Variants in EPHA6 observed in about 807,000 individuals in gnomAD.
EPHA6 encodes ephrin type-A receptor 6.
EPHA6 carries 50 observed loss-of-function variants against 112.0 expected under a neutral mutation model. The ratio of observed to expected loss-of-function variants is 0.45; its 90% confidence interval spans 0.36 to 0.56. The LOEUF (loss-of-function observed/expected upper bound fraction) is 0.56, where lower values mean the gene tolerates loss of function less well. EPHA6 is among the 20% of genes least tolerant of loss of function. EPHA6 has a pLI of 0.00. For missense variants in EPHA6, 1,280 were observed against 1,417.4 expected (o/e 0.90, Z 1.56); for synonymous variants, 529 against 490.7 (o/e 1.08, Z -1.03).
intron 1 of EPHA6, among the ~76,000 whole-genome samples, chr3:96,820,703 C>A (rs1278198678): frequency 6.6e-6 from 1 of 151,942 alleles, no homozygotes; most frequent in Non-Finnish European, 1.5e-5. Context: ...TTTAATAGAA[C>A]AGTTTTGTTA....
chr3:97,017,894 C>T (rs762965989), intron 3 of EPHA6, among the ~76,000 whole-genome samples: 9 of 151,724 alleles, frequency 5.9e-5, no homozygotes, highest in Non-Finnish European at 1.3e-4. Context: ...ATCTTTTTCT[C>T]TACCTCTTCT....
chr3:97,339,886 G>T (rs1039334515), intron 5 of EPHA6, among the ~76,000 whole-genome samples: 64 of 152,160 alleles, frequency 4.2e-4, no homozygotes, highest in African/African-American at 1.5e-3. Context: ...GTCACAGAAG[G>T]TCATAAAACA....
Position 97,069,031 on chromosome 3 carries a change from TATA to T in EPHA6, c.1114+81041_1114+81043del, listed in dbSNP as rs1278874260. The stretch of plus-strand genomic sequence containing the variant: ...ACACACGCACACATACGCACACACT[TATA>T]ATTGACCCTTGAACGACACTGGGGT... On this transcript the variant is annotated intron_variant, in intron 3 of 17. Transcript: ENST00000389672. Among the ~76,000 whole-genome samples, 7 of 152,106 alleles carry T rather than the reference TATA, an allele frequency of 4.6e-5. 1 individual carries two copies. The highest frequency in any genetic ancestry group is 1.0e-4 in the Non-Finnish European group (7 of 68,012).
chr3:97,294,396 C>T (rs1290790568), intron 5 of EPHA6, among the ~76,000 whole-genome samples: 1 of 152,238 alleles, frequency 6.6e-6, no homozygotes, highest in East Asian at 1.9e-4. Context: ...TCTCTGCATT[C>T]AGTCTCTATG....
chr3:97,561,226 A>G (rs982484091), intron 11 of EPHA6, among the ~76,000 whole-genome samples: 1 of 152,072 alleles, frequency 6.6e-6, no homozygotes, highest in African/African-American at 2.4e-5. Flanking sequence ...CGTTTAAATC[A>G]AAGCTAGAAA....
At chr3:96,956,120 C>T (rs924491385) in intron 2 of EPHA6, among the ~76,000 whole-genome samples, 11 of 152,008 alleles carry the variant, frequency 7.2e-5, no homozygotes, top group African/African-American at 9.7e-5. Flanking sequence ...GAACATGAGA[C>T]GAAATTTTAG....
intron 3 of EPHA6, among the ~76,000 whole-genome samples, chr3:97,150,593 G>T (rs1156972430): frequency 6.6e-6 from 1 of 152,016 alleles, no homozygotes; most frequent in Non-Finnish European, 1.5e-5. Flanking sequence ...CAACGTGGGT[G>T]CTGATACTCT....
intron 14 of EPHA6, among the ~76,000 whole-genome samples, chr3:97,666,953 A>G (rs1241476929): frequency 2.0e-5 from 3 of 152,170 alleles, no homozygotes; most frequent in Non-Finnish European, 2.9e-5. Context: ...CCATTAGTGT[A>G]CTGTTGTCAT....
intron 3 of EPHA6, among the ~76,000 whole-genome samples, chr3:97,109,888 C>A (rs2108279547): frequency 6.6e-6 from 1 of 152,034 alleles, no homozygotes; most frequent in South Asian, 2.1e-4. Context: ...CATATGGTAA[C>A]CTAACAATTT....
chr3:97,550,197 C>T (rs1186972556), intron 11 of EPHA6, among the ~76,000 whole-genome samples: 1 of 152,112 alleles, frequency 6.6e-6, no homozygotes, highest in African/African-American at 2.4e-5. Context: ...AAAATCAAAA[C>T]ATTTTATGAT....
In EPHA6 at chr3:96,987,841, C is replaced by T. The variant is rs1386463120; in HGVS notation, c.962C>T (p.Ser321Phe). 1.2e-6 allele frequency: 2 copies of T among 1,613,912 alleles called. No homozygotes were observed. Among genetic ancestry groups the T allele is most frequent in the Admixed American group, 1.7e-5 (1 of 60,004 alleles). Residue 321 changes from serine to phenylalanine, a missense_variant, in exon 3 of 18, where the codon TCC becomes TTC. Physicochemically the swap from Ser to Phe is radical, Grantham distance 155. Around this residue, in one of 4 missense-constraint regions of EPHA6, gnomAD observed 878 missense variants for 999.7 expected, o/e 0.88. Coordinates refer to ENST00000389672, the MANE Select transcript of EPHA6 (RefSeq NM_001080448.3). ...FPDTIPRVDS[S>F]SLVEVRGSCV... Reference sequence around the variant, plus strand: ...GATACCATTCCAAGGGTTGATTCCTCCTCTTTGGTTGAAGTACGGGGTTCT... The same window carrying T: ...GATACCATTCCAAGGGTTGATTCCTTCTCTTTGGTTGAAGTACGGGGTTCT...
In EPHA6 at chr3:97,466,623, T is replaced by C. The variant is rs551209219; in HGVS notation, c.1895-8729T>C. 4.3e-4 allele frequency: 267 copies of C among 614,192 alleles called. 1 individual carries two copies. In the Middle Eastern group the frequency reaches 7.7e-3, roughly 18 times the overall value. 38.0% of individuals were successfully genotyped at this position (614,192 alleles called of 1,614,324 possible). Reference sequence around the variant, plus strand: ...CAGTATTCTCATGTATTTGCAAGAGTTTATGTCTCTGGTAAAAATGGCAAT... The same window carrying C: ...CAGTATTCTCATGTATTTGCAAGAGCTTATGTCTCTGGTAAAAATGGCAAT... On this transcript the variant is annotated intron_variant, in intron 7 of 17. Transcript: ENST00000389672.
chr3:97,511,167 C>A (rs1332983907), intron 10 of EPHA6, among the ~76,000 whole-genome samples: 1 of 152,110 alleles, frequency 6.6e-6, no homozygotes, highest in East Asian at 1.9e-4. Context: ...GCTTCAGCCC[C>A]CTTTCCAGGG....
chr3:97,621,814 G>T (rs920885605), intron 13 of EPHA6, among the ~76,000 whole-genome samples: 1 of 151,896 alleles, frequency 6.6e-6, no homozygotes, highest in Non-Finnish European at 1.5e-5. Context: ...ATAGGATTTA[G>T]CAAATAAGAG....
chr3:97,149,024 C>T (rs1443961911), intron 3 of EPHA6, among the ~76,000 whole-genome samples: 1 of 152,048 alleles, frequency 6.6e-6, no homozygotes, highest in Non-Finnish European at 1.5e-5. Context: ...ATTTTTATCT[C>T]ACGCTGTGAC....
chr3:97,124,469 A>AAAGAAAG (rs2048127427), intron 3 of EPHA6, among the ~76,000 whole-genome samples: 31 of 149,740 alleles, frequency 2.1e-4, no homozygotes, highest in Admixed American at 1.9e-3. Flanking sequence ...TCTGTTTAAA[A>AAAGAAAG]AAAGAAAGAA....
chr3:97,262,750 CTTAG>C (rs1460978026), intron 5 of EPHA6, among the ~76,000 whole-genome samples: 4 of 152,034 alleles, frequency 2.6e-5, no homozygotes, highest in Admixed American at 1.3e-4. Context: ...TATCTGCCAA[CTTAG>C]TCATATGTTT....
At chr3:97,651,558 A>G (rs2094107659) in intron 14 of EPHA6, among the ~76,000 whole-genome samples, 1 of 152,064 alleles carries the variant, frequency 6.6e-6, no homozygotes, top group Non-Finnish European at 1.5e-5. Flanking sequence ...GGAATAATCA[A>G]ATGCCAGTCA....
chr3:97,197,815 C>A (rs1169550965), intron 3 of EPHA6, among the ~76,000 whole-genome samples: 1 of 151,956 alleles, frequency 6.6e-6, no homozygotes, highest in Non-Finnish European at 1.5e-5. Flanking sequence ...GCATTTTAGC[C>A]CATGGTGGTG....
Sources: allele counts gnomAD v4.1 joint callset (sites outside exome capture counted in the v4.1 genomes callset), GRCh38; gene constraint gnomAD v4.1.1; regional missense constraint gnomAD v4.1.1; transcripts MANE v1.5; gene names NCBI Gene and HGNC (gene_info 2026-07-23, HGNC 2026-07-21).